The following ROBO2 variants were observed in gnomAD, a reference collection of about 807,000 sequenced individuals.
ROBO2 encodes the protein roundabout homolog 2.
A neutral mutation model predicts 160.8 loss-of-function variants in ROBO2; 53 were observed. The ratio of observed to expected loss-of-function variants is 0.33; its 90% CI spans 0.26 to 0.41. The LOEUF (loss-of-function observed/expected upper bound fraction) is 0.41, where lower values mean the gene tolerates loss of function less well. Ranked by LOEUF, ROBO2 falls within the 10% of genes least tolerant of loss-of-function variation. The pLI is 1.00. For synonymous variants in ROBO2, 664 were observed against 611.7 expected, an observed-to-expected ratio of 1.09 and a Z score of -1.26; for missense variants, 1,577 against 1,722.4, an observed-to-expected ratio of 0.92 and a Z score of 1.49.
intron 2 of ROBO2, among the ~76,000 whole-genome samples, chr3:76,647,722 T>A (rs1002526011): frequency 1.3e-5 from 2 of 151,724 alleles, no homozygotes; most frequent in Non-Finnish European, 2.9e-5. Context: ...GTGAAAAGAA[T>A]CGCCTGTCTG....
chr3:76,754,982 A>T (rs1451588084), intron 2 of ROBO2, among the ~76,000 whole-genome samples: 1 of 151,914 alleles, frequency 6.6e-6, no homozygotes, highest in Admixed American at 6.6e-5. Context: ...ACATTAGATA[A>T]ATTTTGTCTC....
chr3:75,968,776 T>C, intron 2 of ROBO2, among the ~76,000 whole-genome samples: 1 of 65,164 alleles, frequency 1.5e-5, no homozygotes, highest in African/African-American at 3.9e-5. Context: ...ATTCTACTGT[T>C]TCTATATACT....
intron 2 of ROBO2, among the ~76,000 whole-genome samples, chr3:76,297,845 T>C (rs1275217859): frequency 6.6e-6 from 1 of 152,162 alleles, no homozygotes; most frequent in Non-Finnish European, 1.5e-5. Context: ...TCTAGTGCTC[T>C]AGTTTCTCTG....
chr3:76,798,271 A>AGAAAGAAAGAAG lies in ROBO2; in HGVS notation c.110-299732_110-299731insGGAAAGAAAGAA, dbSNP rs1439837442. 8.9e-5 allele frequency among the ~76,000 whole-genome samples: 13 copies of AGAAAGAAAGAAG among 146,778 alleles called. No homozygotes were observed. In the East Asian group the frequency reaches 2.4e-3, roughly 27 times the overall value. The stretch of plus-strand genomic sequence containing the variant: ...AAGAAAGAAAGAAGGAAAGAAAGAA[A>AGAAAGAAAGAAG]GAAAGAAAGAAAGAAAGAAAGAAAG... On this transcript the variant is annotated intron_variant, in intron 2 of 26. Transcript: ENST00000487694.
At chr3:76,627,074 A>G (rs986861185) in intron 2 of ROBO2, among the ~76,000 whole-genome samples, 3 of 152,186 alleles carry the variant, frequency 2.0e-5, no homozygotes, top group African/African-American at 7.2e-5. Flanking sequence ...GAGGTAGTGG[A>G]TATATTTCTT....
At chr3:76,380,363 A>C (rs956636864) in intron 2 of ROBO2, among the ~76,000 whole-genome samples, 1 of 152,162 alleles carries the variant, frequency 6.6e-6, no homozygotes, top group Non-Finnish European at 1.5e-5. Context: ...GAGATGAATA[A>C]AATTTGGTCT....
chr3:77,463,866 A>G (rs951988438), intron 2 of ROBO2, among the ~76,000 whole-genome samples: 1 of 152,188 alleles, frequency 6.6e-6, no homozygotes, highest in Non-Finnish European at 1.5e-5. Flanking sequence ...TATAGGCGTC[A>G]GCCACCATGC....
intron 2 of ROBO2, among the ~76,000 whole-genome samples, chr3:77,143,695 C>T (rs1579356058): frequency 1.3e-5 from 2 of 152,006 alleles, no homozygotes; most frequent in African/African-American, 4.8e-5. Context: ...AATATAGAGT[C>T]GAGAGTATTT....
chr3:76,914,638 G>A (rs752660645), intron 2 of ROBO2, among the ~76,000 whole-genome samples: 1 of 152,098 alleles, frequency 6.6e-6, no homozygotes, highest in African/African-American at 2.4e-5. Flanking sequence ...GGGAGGCTGA[G>A]TGCAGTTATT....
chr3:77,048,208 T>G (rs1049648351), intron 1 of ROBO2, among the ~76,000 whole-genome samples: 4 of 152,216 alleles, frequency 2.6e-5, no homozygotes, highest in African/African-American at 9.6e-5. Context: ...AGACTAATTA[T>G]GGACTACAAT....
chr3:76,915,746 T>A (rs1162447890), intron 2 of ROBO2, among the ~76,000 whole-genome samples: 1 of 151,758 alleles, frequency 6.6e-6, no homozygotes, highest in African/African-American at 2.4e-5. Context: ...TTCCATATCC[T>A]TTCTTGCTTA....
intron 2 of ROBO2, among the ~76,000 whole-genome samples, chr3:75,959,514 C>T (rs1438629731): frequency 2.6e-5 from 4 of 151,586 alleles, no homozygotes; most frequent in African/African-American, 9.7e-5. Context: ...ACAAATTAGC[C>T]CTTAGATTTC....
intron 2 of ROBO2, among the ~76,000 whole-genome samples, chr3:77,328,882 AG>A (rs908800800): frequency 8.5e-5 from 13 of 152,240 alleles, no homozygotes; most frequent in Non-Finnish European, 1.5e-4. Flanking sequence ...AAAATTTAAG[AG>A]CATATTTGAA....
intron 2 of ROBO2, among the ~76,000 whole-genome samples, chr3:76,725,549 G>A (rs563208390): frequency 1.3e-5 from 2 of 152,286 alleles, no homozygotes; most frequent in East Asian, 3.9e-4. Flanking sequence ...TCTGCTATAT[G>A]TGCAGATGCT....
chr3:77,200,270 TATATATATATATATATATA>T (rs2082733833), intron 2 of ROBO2, among the ~76,000 whole-genome samples: 5 of 9,456 alleles, frequency 5.3e-4, no homozygotes, highest in African/African-American at 3.0e-3. Context: ...ACATATTTTA[TATATATATATATATATATA>T]TATATATATA....
intron 2 of ROBO2, among the ~76,000 whole-genome samples, chr3:76,203,698 A>ATCTTTTCTTTGCT (rs1702666370): frequency 2.2e-5 from 1 of 46,424 alleles, no homozygotes; most frequent in Non-Finnish European, 5.3e-5. Flanking sequence ...TAGTAACCTG[A>ATCTTTTCTTTGCT]GTGAGATTGC....
chr3:76,013,884 A>G (rs1410907942), intron 2 of ROBO2, among the ~76,000 whole-genome samples: 20 of 131,094 alleles, frequency 1.5e-4, no homozygotes, highest in African/African-American at 5.2e-4. Flanking sequence ...TGGGTACAGT[A>G]GTTTATGCGT....
intron 2 of ROBO2, among the ~76,000 whole-genome samples, chr3:76,003,388 T>A (rs2065941304): frequency 6.6e-6 from 1 of 152,210 alleles, no homozygotes; most frequent in Admixed American, 6.5e-5. Flanking sequence ...CAATGTTTTT[T>A]AAACATTTTA....
intron 2 of ROBO2, among the ~76,000 whole-genome samples, chr3:76,476,633 G>C (rs1450802707): frequency 6.6e-6 from 1 of 152,162 alleles, no homozygotes; most frequent in Non-Finnish European, 1.5e-5. Context: ...GATTGGGAGA[G>C]GTGGCGGCCT....
Sources: gnomAD v4.1 joint callset for allele counts (sites outside exome capture counted in the v4.1 genomes callset) on GRCh38, gnomAD v4.1.1 for gene constraint, MANE v1.5 for transcripts, NCBI Gene and HGNC (gene_info 2026-07-23, HGNC 2026-07-21) for gene names.